The following CPA6 variants were observed in gnomAD, a reference collection of about 807,000 sequenced individuals.
CPA6 encodes the protein carboxypeptidase B.
In CPA6, 58 loss-of-function variants were observed where a neutral mutation model predicts 63.3. That is an observed-to-expected ratio of 0.92 (90% CI 0.74 to 1.14). The LOEUF (loss-of-function observed/expected upper bound fraction) is 1.14, where lower values mean the gene tolerates loss of function less well. CPA6 is among the 50% of genes most tolerant of loss of function. The pLI, the probability that CPA6 is intolerant of heterozygous loss-of-function variation, is 0.00. For missense variants in CPA6, 565 were observed against 526.6 expected, an observed-to-expected ratio of 1.07 and a Z score of -0.71; for synonymous variants, 185 against 179.0, an observed-to-expected ratio of 1.03 and a Z score of -0.27.
chr8:67,486,718 G>A (rs750026800), intron 6 of CPA6, among the ~76,000 whole-genome samples: 82 of 152,204 alleles, frequency 5.4e-4, no homozygotes, highest in Admixed American at 2.2e-3. Flanking sequence ...TGAATTATTA[G>A]TTCCCTGAAT....
At chr8:67,455,103 A>T (rs1416447395) in intron 8 of CPA6, among the ~76,000 whole-genome samples, 1 of 152,208 alleles carries the variant, frequency 6.6e-6, no homozygotes. Context: ...GGTTTTGTTG[A>T]TTCTGTGAAC....
In CPA6 at chr8:67,434,181, C is replaced by A; in HGVS notation, c.898G>T (p.Glu300Ter). The A allele has an allele frequency of 6.2e-7, 1 of 1,614,152 alleles. No individual in the cohort carries two copies. Among genetic ancestry groups the A allele is most frequent in the Non-Finnish European group, 8.5e-7 (1 of 1,180,032 alleles). The change falls in exon 9 of 11, where the codon GAG (glutamate) becomes TAG (stop). Residue 300 changes from glutamate (E) to a stop codon, truncating the protein, a stop_gained. Coordinates refer to ENST00000297770, the MANE Select transcript of CPA6 (RefSeq NM_020361.5). LOFTEE classifies it high-confidence loss of function. ...TTAGCTACAGCCTTCACTTCCGGCT[C>A]AGATTCTGGAAAAGGGCCACAGTAT... ...DTYCGPFPESEPEVKAVANFL... is the reference protein window; with the variant it reads ...DTYCGPFPES
At chr8:67,720,525 T>C (rs928120541) in intron 1 of CPA6, among the ~76,000 whole-genome samples, 4 of 151,876 alleles carry the variant, frequency 2.6e-5, no homozygotes, top group Admixed American at 6.5e-5. Flanking sequence ...TCACAGACAC[T>C]GAGCTCCGAA....
rs78490099 is a variant in CPA6 at position 67,721,957 on chromosome 8, G to A, written c.116+24057C>T. ...GTCACCGAGTTTCGGCCAGTCAATG[G>A]AAGCCAATTGTTCAAACTGGGTTCA... On this transcript the variant is annotated intron_variant, in intron 1 of 10. Coordinates refer to ENST00000297770, the MANE Select transcript of CPA6 (RefSeq NM_020361.5). Among the ~76,000 whole-genome samples, 223 of 152,308 alleles carry A rather than the reference G, an allele frequency of 1.5e-3. 5 individuals are homozygous for A. In the East Asian group the frequency reaches 0.041, roughly 28 times the overall value.
intron 1 of CPA6, among the ~76,000 whole-genome samples, chr8:67,713,095 GTGTGTA>G (rs1191881079): frequency 0.011 from 979 of 86,186 alleles, 5 homozygotes; most frequent in Middle Eastern, 0.022. Flanking sequence ...GTGTGTGTGT[GTGTGTA>G]TATATATATA....
chr8:67,571,977 C>T (rs1564005427), intron 2 of CPA6, among the ~76,000 whole-genome samples: 1 of 151,750 alleles, frequency 6.6e-6, no homozygotes, highest in Non-Finnish European at 1.5e-5. Context: ...AAGATAAAAT[C>T]AGAAACGAAA....
intron 1 of CPA6, among the ~76,000 whole-genome samples, chr8:67,719,335 C>T (rs1817446841): frequency 6.6e-6 from 1 of 151,896 alleles, no homozygotes; most frequent in African/African-American, 2.4e-5. Flanking sequence ...GGTAGCATCC[C>T]GAGTGGATAC....
chr8:67,719,673 G>A (rs914198113), intron 1 of CPA6, among the ~76,000 whole-genome samples: 1 of 152,100 alleles, frequency 6.6e-6, no homozygotes, highest in Non-Finnish European at 1.5e-5. Context: ...GGCTGTTACA[G>A]TCATGCAGGC....
At position 67,728,467 on chromosome 8, in the gene CPA6, G is replaced by C. The variant is rs113694008; in HGVS notation, c.116+17547C>G. On this transcript the variant is annotated intron_variant, in intron 1 of 10. Coordinates refer to ENST00000297770, the MANE Select transcript of CPA6 (RefSeq NM_020361.5). ...TAGACATTTATAGCCGGCACAAAAG[G>C]GTCTATAATTTGCACTATAATGAGC... Among the ~76,000 whole-genome samples the C allele has an allele frequency of 7.1e-3, 1,075 of 152,052 alleles. 4 individuals are homozygous for C. The highest frequency in any genetic ancestry group is 0.011 in the Non-Finnish European group (759 of 67,980).
chr8:67,520,810 G>C (rs1360859766), intron 2 of CPA6, among the ~76,000 whole-genome samples: 1 of 152,226 alleles, frequency 6.6e-6, no homozygotes, highest in Non-Finnish European at 1.5e-5. Flanking sequence ...TACTGACCCA[G>C]TTCATGTCTT....
At chr8:67,513,695 C>G (rs996537323) in intron 3 of CPA6, among the ~76,000 whole-genome samples, 13 of 152,100 alleles carry the variant, frequency 8.5e-5, no homozygotes, top group African/African-American at 2.9e-4. Context: ...AATTGTGACA[C>G]TGGAGGTCAA....
chr8:67,727,024 A>G (rs1035240526), intron 1 of CPA6, among the ~76,000 whole-genome samples: 3 of 152,246 alleles, frequency 2.0e-5, no homozygotes, highest in African/African-American at 7.2e-5. Context: ...AATTCTTGCT[A>G]TAGGGTTGAT....
In CPA6 at chr8:67,677,666, A is replaced by C. The variant is rs1816505639; in HGVS notation, c.117-53415T>G. On this transcript the variant is annotated intron_variant, in intron 1 of 10. Transcript: ENST00000297770. ...CAAAGAGACATAGATACAAGTGTAA[A>C]GATATAGATGTTATTTTCTGGGAGT... 2.6e-5 allele frequency among the ~76,000 whole-genome samples: 4 copies of C among 152,318 alleles called. No homozygotes were observed. In the South Asian group the frequency reaches 6.2e-4, roughly 24 times the overall value.
intron 1 of CPA6, among the ~76,000 whole-genome samples, chr8:67,631,998 A>C (rs1470653955): frequency 6.6e-6 from 1 of 152,188 alleles, no homozygotes; most frequent in Admixed American, 6.5e-5. Context: ...TGTAACACTC[A>C]CCGCGAGGGT....
intron 2 of CPA6, among the ~76,000 whole-genome samples, chr8:67,593,078 T>A (rs1332645583): frequency 2.7e-5 from 4 of 150,488 alleles, no homozygotes; most frequent in African/African-American, 9.9e-5. Flanking sequence ...GATTCTGGTA[T>A]GTTGTGTCTT....
intron 1 of CPA6, among the ~76,000 whole-genome samples, chr8:67,695,224 G>A (rs575815380): frequency 2.0e-5 from 3 of 152,262 alleles, no homozygotes; most frequent in South Asian, 4.1e-4. Flanking sequence ...AAAATGGGCC[G>A]TAGTGGCAGG....
chr8:67,522,739 T>C (rs1028396151), intron 2 of CPA6, among the ~76,000 whole-genome samples: 4 of 152,214 alleles, frequency 2.6e-5, no homozygotes, highest in Admixed American at 2.0e-4. Flanking sequence ...TGCCATTGCA[T>C]TCCTCTCATC....
intron 1 of CPA6, among the ~76,000 whole-genome samples, chr8:67,698,780 G>T (rs1344989496): frequency 1.3e-5 from 2 of 152,152 alleles, no homozygotes; most frequent in African/African-American, 4.8e-5. Flanking sequence ...CCTGGGAAAG[G>T]CAATGACACC....
intron 8 of CPA6, among the ~76,000 whole-genome samples, chr8:67,439,734 A>G (rs1471652151): frequency 1.3e-5 from 2 of 152,196 alleles, no homozygotes; most frequent in Non-Finnish European, 2.9e-5. Flanking sequence ...TAATTGATCA[A>G]ATGACTGATT....
Sources: gnomAD v4.1 joint callset for allele counts (sites outside exome capture counted in the v4.1 genomes callset) on GRCh38, gnomAD v4.1.1 for gene constraint, MANE v1.5 for transcripts, NCBI Gene and HGNC (gene_info 2026-07-23, HGNC 2026-07-21) for gene names.